Variants in ABCA13 observed in about 807,000 individuals in gnomAD.
ABCA13 encodes the protein ATP-binding cassette sub-family A member 13.
ABCA13 carries 476 observed loss-of-function variants against 478.7 expected under a neutral mutation model. The observed-to-expected ratio is 0.99, with a 90% CI of 0.92 to 1.07. The LOEUF (loss-of-function observed/expected upper bound fraction) is 1.07. Among genes scored for constraint, ABCA13 ranks in the 50% least tolerant of loss-of-function variants. ABCA13 has a pLI of 0.00. For synonymous variants in ABCA13, 2,252 were observed against 2,158.9 expected (o/e 1.04, Z -1.20); for missense variants, 6,060 against 5,910.6 (o/e 1.03, Z -0.83).
At chr7:48,416,336 T>C (rs112779009) in intron 41 of ABCA13, among the ~76,000 whole-genome samples, 159 of 152,288 alleles carry the variant, frequency 1.0e-3, no homozygotes, top group African/African-American at 3.7e-3. Flanking sequence ...CGCCTAGGAA[T>C]AGAAACTGAG....
At chr7:48,294,725 C>T (rs537345998) in intron 20 of ABCA13, among the ~76,000 whole-genome samples, 8 of 152,160 alleles carry the variant, frequency 5.3e-5, no homozygotes, top group South Asian at 4.1e-4. Flanking sequence ...GGATTACAGG[C>T]GTGAGCCACC....
At chr7:48,466,860 TAGG>T (rs1826930753) in intron 43 of ABCA13, 93 bp from the exon 44 acceptor site, 2 of 1,151,026 alleles carry the variant, frequency 1.7e-6, no homozygotes, top group Admixed American at 3.4e-5. Context: ...TCAGCCTGAC[TAGG>T]GCACAATGTG....
chr7:48,606,501 T>C, intron 58 of ABCA13, among the ~76,000 whole-genome samples: 1 of 151,844 alleles, frequency 6.6e-6, no homozygotes, highest in East Asian at 1.9e-4. Flanking sequence ...TGGAGTTTGC[T>C]GGAGATCCGC....
At chr7:48,359,454 G>A (rs1047323420) in intron 31 of ABCA13, among the ~76,000 whole-genome samples, 2 of 151,974 alleles carry the variant, frequency 1.3e-5, no homozygotes, top group East Asian at 1.9e-4. Flanking sequence ...AAGTGACAGG[G>A]GCAACATGAG....
intron 59 of ABCA13, among the ~76,000 whole-genome samples, chr7:48,631,624 T>A (rs1339966671): frequency 6.6e-6 from 1 of 152,150 alleles, no homozygotes; most frequent in Non-Finnish European, 1.5e-5. Flanking sequence ...TAAGATTGCT[T>A]TAACTATTGG....
intron 27 of ABCA13, among the ~76,000 whole-genome samples, chr7:48,324,537 G>A (rs1804012575): frequency 6.6e-6 from 1 of 152,174 alleles, no homozygotes; most frequent in Non-Finnish European, 1.5e-5. Flanking sequence ...GAAATAATTA[G>A]AGCTCTCTAT....
intron 29 of ABCA13, among the ~76,000 whole-genome samples, chr7:48,341,902 G>C (rs1310465319): frequency 2.4e-4 from 17 of 70,174 alleles, no homozygotes; most frequent in East Asian, 2.0e-3. Context: ...ATATCTTTCT[G>C]ATATATATAT....
chr7:48,535,883 A>G (rs568035597), intron 55 of ABCA13, among the ~76,000 whole-genome samples: 23 of 152,278 alleles, frequency 1.5e-4, no homozygotes, highest in Non-Finnish European at 2.6e-4. Flanking sequence ...AACAGCATCA[A>G]GTCAATTTCT....
chr7:48,400,248 T>C (rs1278099992), intron 38 of ABCA13, among the ~76,000 whole-genome samples: 1 of 152,224 alleles, frequency 6.6e-6, no homozygotes, highest in East Asian at 1.9e-4. Context: ...ATTTCTTGAA[T>C]CAAGGATAAG....
At chr7:48,485,873 A>G (rs1303428685) in intron 47 of ABCA13, among the ~76,000 whole-genome samples, 1 of 152,154 alleles carries the variant, frequency 6.6e-6, no homozygotes, top group Non-Finnish European at 1.5e-5. Flanking sequence ...ATCATCTGCA[A>G]TGACCCTTAA....
In ABCA13 at chr7:48,245,925, G is replaced by A. The variant is rs771401651; in HGVS notation, c.1554G>A (p.Pro518=). 3.8e-5 allele frequency: 61 copies of A among 1,613,230 alleles called. No individual in the cohort carries two copies. Among genetic ancestry groups the A allele is most frequent in the Non-Finnish European group, 4.8e-5 (57 of 1,179,700 alleles). Residue 518 remains proline, a synonymous_variant, in exon 13 of 62, where the codon CCG becomes CCA. Transcript: ENST00000435803. ...TCTCTGAGAAGGAGGTCTTTTTGCC[G>A]CCTGGAAACTCCAGCATATGGGGTG... ...GRFSEKEVFL[P]PGNSSIWGGL... is the part of the protein sequence containing the mutation.
intron 48 of ABCA13, among the ~76,000 whole-genome samples, chr7:48,494,045 T>C (rs1247241407): frequency 2.0e-5 from 3 of 152,180 alleles, no homozygotes; most frequent in Non-Finnish European, 4.4e-5. Flanking sequence ...AGGACTGTTC[T>C]GTATTAGAAC....
chr7:48,278,224 T>C lies in ABCA13; in HGVS notation c.7030T>C (p.Phe2344Leu). 6.2e-7 allele frequency: 1 copy of C among 1,606,684 alleles called. No homozygotes were observed. Among genetic ancestry groups the C allele is most frequent in the South Asian group, 1.1e-5 (1 of 89,952 alleles). ...TATATATCACCTAATGAAAAGTTCA[T>C]TTATATTAGACAATGGAGAATTTTA... The part of the protein sequence containing the change: ...ETIYHLMKSS[F>L]ILDNGEFYFD... The change falls in exon 18 of 62, where the codon TTT becomes CTT. Residue 2344 changes from phenylalanine to leucine, a missense_variant. Transcript: ENST00000435803.
intron 3 of ABCA13, among the ~76,000 whole-genome samples, chr7:48,208,138 T>A (rs1033137494): frequency 1.3e-5 from 2 of 152,158 alleles, no homozygotes; most frequent in African/African-American, 4.8e-5. Flanking sequence ...TCTGTTCTGT[T>A]CCATTGGTCT....
rs772989925 is a variant in ABCA13, at chr7:48,388,421, G to C, written c.11473+462G>C. Among the ~76,000 whole-genome samples, 48 of 152,188 alleles carry C rather than the reference G, an allele frequency of 3.2e-4. 1 individual carries two copies. Among genetic ancestry groups the C allele is most frequent in the Non-Finnish European group, 1.3e-4 (9 of 68,028 alleles). On this transcript the variant is annotated intron_variant, in intron 36 of 61. Transcript: ENST00000435803. ...CTGTCCCTTACAAATAGGGATTGTG[G>C]TTCTCAGGAGATAGGGGCAGGACTG...
At chr7:48,372,949 T>C (rs1812890734) in intron 33 of ABCA13, among the ~76,000 whole-genome samples, 1 of 152,182 alleles carries the variant, frequency 6.6e-6, no homozygotes, top group African/African-American at 2.4e-5. Context: ...CCTAAAAACG[T>C]ATGATAACAC....
chr7:48,226,334 A>T (rs1319877831), intron 5 of ABCA13, among the ~76,000 whole-genome samples: 1 of 152,150 alleles, frequency 6.6e-6, no homozygotes, highest in Non-Finnish European at 1.5e-5. Context: ...CCAGAAATGG[A>T]AAGAGCTCAT....
At chr7:48,582,072 AT>A (rs1241734282) in intron 56 of ABCA13, among the ~76,000 whole-genome samples, 2 of 152,198 alleles carry the variant, frequency 1.3e-5, no homozygotes, top group East Asian at 3.9e-4. Flanking sequence ...GCTTATTCCC[AT>A]TTTACAAACT....
intron 55 of ABCA13, among the ~76,000 whole-genome samples, chr7:48,558,366 G>A (rs1008752416): frequency 1.3e-5 from 2 of 150,590 alleles, no homozygotes; most frequent in African/African-American, 4.9e-5. Context: ...GCGCAATCTT[G>A]GCTCACTGCA....
Sources: allele counts gnomAD v4.1 joint callset (sites outside exome capture counted in the v4.1 genomes callset), GRCh38; gene constraint gnomAD v4.1.1; transcripts MANE v1.5; gene names NCBI Gene and HGNC (gene_info 2026-07-23, HGNC 2026-07-21).